Variants in IL23R observed in about 807,000 individuals in gnomAD.
The protein encoded by IL23R is interleukin-23 receptor.
In IL23R, 34 loss-of-function variants were observed where a neutral mutation model predicts 56.9. The ratio of observed to expected loss-of-function variants is 0.60; its 90% CI spans 0.45 to 0.80. IL23R has a LOEUF of 0.80. IL23R is among the 30% of genes least tolerant of loss of function. The pLI is 0.00. For missense variants in IL23R, 635 were observed against 730.0 expected, an observed-to-expected ratio of 0.87 and a Z score of 1.50; for synonymous variants, 230 against 249.2, an observed-to-expected ratio of 0.92 and a Z score of 0.73.
rs1296247789 is a variant in IL23R at position 67,174,821 on chromosome 1, G to A, written c.367+5183G>A. ...CATCTTTTCCAGTCTGCTAGGTATT[G>A]TTTTCCCCTGTGTTGGCTTCATTCT... On this transcript the variant is annotated intron_variant, in intron 3 of 10. Coordinates refer to ENST00000347310, the MANE Select transcript of IL23R (RefSeq NM_144701.3). Among the ~76,000 whole-genome samples, 5 of 152,142 alleles carry A rather than the reference G, an allele frequency of 3.3e-5. No homozygotes were observed. In the East Asian group the frequency reaches 7.7e-4, roughly 23 times the overall value.
At chr1:67,242,893 T>C (rs1009562361) in intron 9 of IL23R, among the ~76,000 whole-genome samples, 5 of 152,086 alleles carry the variant, frequency 3.3e-5, no homozygotes, top group Admixed American at 6.5e-5. Context: ...AAATCCCTTA[T>C]AAATATTTAA....
chr1:67,180,721 T>A (rs1647126730), intron 3 of IL23R, among the ~76,000 whole-genome samples: 1 of 152,242 alleles, frequency 6.6e-6, no homozygotes, highest in South Asian at 2.1e-4. Flanking sequence ...GCCTCGATGG[T>A]CTTTACAATT....
chr1:67,245,520 G>C (rs979831042), intron 9 of IL23R, among the ~76,000 whole-genome samples: 1 of 152,106 alleles, frequency 6.6e-6, no homozygotes, highest in Non-Finnish European at 1.5e-5. Flanking sequence ...TAGCATGAAG[G>C]GCTGTTGAAT....
At chr1:67,155,284 C>T (rs1646762057) in intron 1 of IL23R, among the ~76,000 whole-genome samples, 1 of 152,132 alleles carries the variant, frequency 6.6e-6, no homozygotes, top group African/African-American at 2.4e-5. Flanking sequence ...TTGATCTTCT[C>T]ATGGAGTATC....
intron 9 of IL23R, among the ~76,000 whole-genome samples, chr1:67,248,992 C>A (rs1045026025): frequency 6.6e-6 from 1 of 151,982 alleles, no homozygotes; most frequent in African/African-American, 2.4e-5. Context: ...ATGAGCTGTA[C>A]CCACTATCCA....
At chr1:67,246,671 G>A (rs529084639) in intron 9 of IL23R, among the ~76,000 whole-genome samples, 1 of 152,312 alleles carries the variant, frequency 6.6e-6, no homozygotes, top group East Asian at 1.9e-4. Context: ...ACTGTGGTCT[G>A]AGAGACAGTT....
chr1:67,211,440 G>A (rs1255411416), intron 6 of IL23R, among the ~76,000 whole-genome samples: 6 of 152,168 alleles, frequency 3.9e-5, no homozygotes, highest in African/African-American at 7.2e-5. Flanking sequence ...GGCCATCATG[G>A]CAAAACCCCG....
At position 67,210,500 on chromosome 1, in the gene IL23R, T is replaced by A. The variant is rs577380085; in HGVS notation, c.798+3445T>A. On this transcript the variant is annotated intron_variant, in intron 6 of 10. Coordinates refer to ENST00000347310, the MANE Select transcript of IL23R (RefSeq NM_144701.3). Reference sequence around the variant, plus strand: ...TTTTTAGAGATAGACTCTCACTTCATCACCCAGGCTGAAGTTCAGTGGTGC... The same window carrying A: ...TTTTTAGAGATAGACTCTCACTTCAACACCCAGGCTGAAGTTCAGTGGTGC... Among the ~76,000 whole-genome samples, 4 of 152,134 alleles carry A rather than the reference T, an allele frequency of 2.6e-5. No homozygotes were observed. In the East Asian group the frequency reaches 7.7e-4, roughly 29 times the overall value.
At chr1:67,236,541 G>C (rs1651485721) in intron 7 of IL23R, among the ~76,000 whole-genome samples, 172 bp from the exon 8 acceptor site, 1 of 142,886 alleles carries the variant, frequency 7.0e-6, no homozygotes, top group African/African-American at 2.4e-5. Context: ...TAAATAAAAA[G>C]AAGAAGAAAA....
chr1:67,253,366 C>T (rs371940392), intron 9 of IL23R, among the ~76,000 whole-genome samples: 3 of 152,138 alleles, frequency 2.0e-5, no homozygotes, highest in African/African-American at 7.2e-5. Flanking sequence ...CTAAGCTGCT[C>T]GATAGATTAG....
intron 1 of IL23R, among the ~76,000 whole-genome samples, chr1:67,151,229 T>TC: frequency 6.6e-6 from 1 of 152,186 alleles, no homozygotes; most frequent in African/African-American, 2.4e-5. Flanking sequence ...TTTTTCATGT[T>TC]TGTTGGCTGC....
chr1:67,150,589 A>G (rs1646719039), intron 1 of IL23R, among the ~76,000 whole-genome samples: 1 of 150,646 alleles, frequency 6.6e-6, no homozygotes, highest in South Asian at 2.1e-4. Flanking sequence ...TGTCCCTGCA[A>G]AGGACATGAT....
intron 5 of IL23R, among the ~76,000 whole-genome samples, chr1:67,206,673 GTTCAGTT>G (rs1328968426): frequency 1.3e-5 from 2 of 149,942 alleles, no homozygotes; most frequent in East Asian, 4.0e-4. Flanking sequence ...GACTATTAGA[GTTCAGTT>G]TTTTTTTTTT....
chr1:67,179,857 T>C (rs1486013583), intron 3 of IL23R, among the ~76,000 whole-genome samples: 1 of 152,226 alleles, frequency 6.6e-6, no homozygotes, highest in African/African-American at 2.4e-5. Flanking sequence ...TCTTTATTTC[T>C]GCCTTCATTT....
chr1:67,250,624 G>C (rs1404868959), intron 9 of IL23R, among the ~76,000 whole-genome samples: 1 of 152,116 alleles, frequency 6.6e-6, no homozygotes, highest in Admixed American at 6.5e-5. Context: ...ATTTCCCAAA[G>C]ATTACTAAAG....
chr1:67,253,925 A>G (rs966257187), intron 9 of IL23R, among the ~76,000 whole-genome samples: 3 of 152,198 alleles, frequency 2.0e-5, no homozygotes, highest in Admixed American at 2.0e-4. Flanking sequence ...TCTTTTTAAA[A>G]AGATAAAACA....
intron 1 of IL23R, among the ~76,000 whole-genome samples, chr1:67,157,596 A>T (rs1646780286): frequency 6.6e-6 from 1 of 150,992 alleles, no homozygotes; most frequent in Non-Finnish European, 1.5e-5. Context: ...TGATCCTTGA[A>T]CTCTTTTTCT....
chr1:67,153,775 T>A (rs1646748593), intron 1 of IL23R, among the ~76,000 whole-genome samples: 1 of 59,124 alleles, frequency 1.7e-5, no homozygotes, highest in South Asian at 4.6e-4. Flanking sequence ...TTTCTTTTCT[T>A]TTTTTTTTGA....
At chr1:67,247,990 G>A (rs375670472) in intron 9 of IL23R, among the ~76,000 whole-genome samples, 1 of 152,160 alleles carries the variant, frequency 6.6e-6, no homozygotes, top group Admixed American at 6.5e-5. Context: ...TCTGCTTTTA[G>A]TCTGATGGGC....
Sources: gnomAD v4.1 joint callset for allele counts (sites outside exome capture counted in the v4.1 genomes callset) on GRCh38, gnomAD v4.1.1 for gene constraint, MANE v1.5 for transcripts, NCBI Gene and HGNC (gene_info 2026-07-23, HGNC 2026-07-21) for gene names.